Variants in PALM2AKAP2 observed in about 807,000 individuals in gnomAD.
PALM2AKAP2 encodes the protein PALM2-AKAP2 fusion protein.
A neutral mutation model predicts 71.5 loss-of-function variants in PALM2AKAP2; 37 were observed. The ratio of observed to expected loss-of-function variants is 0.52; its 90% CI spans 0.40 to 0.68. The LOEUF is 0.68. PALM2AKAP2 is among the 30% of genes least tolerant of loss of function. PALM2AKAP2 has a pLI of 0.00. For missense variants in PALM2AKAP2, 1,224 were observed against 1,191.8 expected (o/e 1.03, Z -0.40); for synonymous variants, 468 against 478.8 (o/e 0.98, Z 0.29).
At chr9:110,168,312 A>G in intron 3 of PALM2AKAP2, 87 bp from the exon 11 acceptor site, 1 of 1,497,022 alleles carries the variant, frequency 6.7e-7, no homozygotes, top group Non-Finnish European at 9.1e-7. Context: ...GTTGATAAAG[A>G]GAAAGGAAGA....
intron 3 of PALM2AKAP2, among the ~76,000 whole-genome samples, chr9:109,918,643 G>C (rs1196356629): frequency 6.6e-6 from 1 of 152,242 alleles, no homozygotes. Flanking sequence ...TCTGCAGCCT[G>C]GCTGGGATGA....
At position 109,846,458 on chromosome 9, in the gene PALM2AKAP2, C is replaced by T. The variant is rs187111899; in HGVS notation, c.46-21033C>T. Reference sequence around the variant, plus strand: ...CTTGCTTGAGCCCCCACACTTAGCCCTCACCAAGCTGTGTGATTTAGGATT... The same window carrying T: ...CTTGCTTGAGCCCCCACACTTAGCCTTCACCAAGCTGTGTGATTTAGGATT... On this transcript the variant is annotated intron_variant, in intron 1 of 9. Coordinates refer to the PALM2AKAP2 transcript ENST00000302798. Among the ~76,000 whole-genome samples the T allele has an allele frequency of 2.0e-5, 3 of 152,206 alleles. No homozygotes were observed. In the East Asian group the frequency reaches 5.8e-4, roughly 29 times the overall value.
intron 2 of PALM2AKAP2, among the ~76,000 whole-genome samples, chr9:109,870,102 T>G (rs1388025099): frequency 6.6e-6 from 1 of 151,988 alleles, no homozygotes; most frequent in African/African-American, 2.4e-5. Context: ...GCTGGTGAGG[T>G]GGGGTCAGTG....
chr9:109,896,140 A>G (rs1312670412), intron 3 of PALM2AKAP2, among the ~76,000 whole-genome samples: 1 of 151,830 alleles, frequency 6.6e-6, no homozygotes, highest in Non-Finnish European at 1.5e-5. Flanking sequence ...AGCCGAGATC[A>G]CACCATTGCA....
At chr9:110,090,464 A>C (rs184629298) in intron 1 of PALM2AKAP2, 831 of 456,482 alleles carry the variant, frequency 1.8e-3, no homozygotes, top group Non-Finnish European at 3.0e-3. Context: ...CTGCAGAGGG[A>C]ACTTACACCT....
chr9:109,753,233 T>C (rs961336444), intron 1 of PALM2AKAP2, among the ~76,000 whole-genome samples: 3 of 152,112 alleles, frequency 2.0e-5, no homozygotes, highest in African/African-American at 7.2e-5. Flanking sequence ...CCCACCCAAG[T>C]TGAGTCTTAG....
intron 7 of PALM2AKAP2, among the ~76,000 whole-genome samples, chr9:110,020,365 G>A (rs567431133): frequency 8.6e-4 from 131 of 152,236 alleles, no homozygotes; most frequent in African/African-American, 3.0e-3. Context: ...TTCCTGTTAA[G>A]CTTGTGGAAC....
intron 1 of PALM2AKAP2, among the ~76,000 whole-genome samples, chr9:109,808,229 T>C (rs558259458): frequency 2.6e-5 from 4 of 152,320 alleles, no homozygotes; most frequent in East Asian, 1.9e-4. Context: ...GTCAGGAAGA[T>C]GTGGGAAAGT....
At chr9:109,675,055 G>T (rs574438771) in intron 1 of PALM2AKAP2, among the ~76,000 whole-genome samples, 11 of 152,088 alleles carry the variant, frequency 7.2e-5, no homozygotes, top group African/African-American at 2.6e-4. Flanking sequence ...CCAAATGTAG[G>T]CTAATGTAAG....
intron 1 of PALM2AKAP2, among the ~76,000 whole-genome samples, chr9:110,071,786 G>A (rs10980175): frequency 0.13 from 19,545 of 152,170 alleles, 1,354 homozygotes; most frequent in Middle Eastern, 0.22. Flanking sequence ...GTATTATTGA[G>A]TGATAGGAGC....
chr9:110,090,128 T>C, intron 1 of PALM2AKAP2: 1 of 295,340 alleles, frequency 3.4e-6, no homozygotes, highest in Non-Finnish European at 6.8e-6. Flanking sequence ...TTCCAAAGTG[T>C]ACCTTTGAAC....
At chr9:110,105,999 A>G (rs569937050) in intron 1 of PALM2AKAP2, among the ~76,000 whole-genome samples, 1 of 152,226 alleles carries the variant, frequency 6.6e-6, no homozygotes, top group South Asian at 2.1e-4. Context: ...TTTCTTTTTC[A>G]TATTCTTTCT....
chr9:109,953,812 G>A (rs1831691005), intron 6 of PALM2AKAP2, among the ~76,000 whole-genome samples: 1 of 139,324 alleles, frequency 7.2e-6, no homozygotes, highest in Non-Finnish European at 1.5e-5. Context: ...TCTAGCCTGG[G>A]TGATATAGCA....
At chr9:109,683,650 G>A (rs1827769112) in intron 1 of PALM2AKAP2, among the ~76,000 whole-genome samples, 3 of 152,130 alleles carry the variant, frequency 2.0e-5, no homozygotes, top group African/African-American at 7.2e-5. Context: ...TGCTTCATAA[G>A]CCATTTTCCT....
chr9:109,918,768 G>T (rs1168752142), intron 3 of PALM2AKAP2, among the ~76,000 whole-genome samples: 2 of 152,176 alleles, frequency 1.3e-5, no homozygotes, highest in East Asian at 3.9e-4. Flanking sequence ...CCTGGCCCAA[G>T]GCCACATGTG....
chr9:110,092,860 C>T (rs896785249), intron 1 of PALM2AKAP2, among the ~76,000 whole-genome samples: 2 of 152,170 alleles, frequency 1.3e-5, no homozygotes, highest in South Asian at 2.1e-4. Flanking sequence ...TTCTCAATTC[C>T]GTACAGTTCC....
At chr9:110,024,510 A>G (rs1425073718) in intron 7 of PALM2AKAP2, among the ~76,000 whole-genome samples, 3 of 151,986 alleles carry the variant, frequency 2.0e-5, no homozygotes, top group Admixed American at 6.5e-5. Context: ...CAGGCTGGGC[A>G]TGGTGGCTTA....
intron 2 of PALM2AKAP2, among the ~76,000 whole-genome samples, chr9:110,153,092 A>G (rs1836363873): frequency 6.6e-6 from 1 of 152,172 alleles, no homozygotes; most frequent in African/African-American, 2.4e-5. Context: ...CTTTCCTGCT[A>G]CTTCTCTGAC....
At chr9:110,067,813 A>G (rs1024278144) in intron 1 of PALM2AKAP2, among the ~76,000 whole-genome samples, 2 of 152,216 alleles carry the variant, frequency 1.3e-5, no homozygotes, top group African/African-American at 4.8e-5. Flanking sequence ...AATTTCCTTT[A>G]TGTTGGCAAT....
Sources: gnomAD v4.1 joint callset for allele counts (sites outside exome capture counted in the v4.1 genomes callset) on GRCh38, gnomAD v4.1.1 for gene constraint, MANE v1.5 for transcripts, NCBI Gene and HGNC (gene_info 2026-07-23, HGNC 2026-07-21) for gene names.